The following SEMA4C variants were observed in gnomAD, a reference collection of about 807,000 sequenced individuals.
The protein encoded by SEMA4C is semaphorin 4C.
In SEMA4C, 19 loss-of-function variants were observed where a neutral mutation model predicts 89.0. That is an observed-to-expected ratio of 0.21 (90% CI 0.15 to 0.31). The LOEUF (loss-of-function observed/expected upper bound fraction) is 0.31. Ranked by LOEUF, SEMA4C falls within the 10% of genes least tolerant of loss-of-function variation. The pLI is 1.00. For synonymous variants in SEMA4C, 428 were observed against 472.7 expected (o/e 0.91, Z 1.23); for missense variants, 811 against 1,107.0 (o/e 0.73, Z 3.79).
chr2:96,861,078 G>A lies in SEMA4C; in HGVS notation c.2050C>T (p.Leu684=), dbSNP rs760433311. 1 of 1,612,562 alleles carries A rather than the reference G, an allele frequency of 6.2e-7. No individual in the cohort carries two copies. Among genetic ancestry groups the A allele is most frequent in the Non-Finnish European group, 8.5e-7 (1 of 1,179,976 alleles). The change falls in exon 15 of 15, where the codon CTG becomes TTG. Residue 684 remains leucine (L), a synonymous_variant. Transcript: ENST00000305476. The surrounding 1 kb of genome is among the most constrained non-coding windows in gnomAD (Gnocchi z 7.8). ...AVCLVLLLLV[L]SLRRRLREEL... ...TCCCGCAGCCGCCGGCGCAATGACA[G>A]CACCAGCAGCAGCAGCACCAGGCAC...
intron 2 of SEMA4C, 126 bp downstream of exon 2, chr2:96,867,652 C>T (rs936384620): frequency 4.0e-6 from 4 of 1,010,538 alleles, no homozygotes; most frequent in Non-Finnish European, 6.1e-6. Flanking sequence ...ACCCACACTG[C>T]CCGTTCTTCC....
At position 96,861,774 on chromosome 2, in the gene SEMA4C, T is replaced by C; in HGVS notation, c.1564A>G (p.Asn522Asp). 1 of 1,613,442 alleles carries C rather than the reference T, an allele frequency of 6.2e-7. No homozygotes were observed. ...CCCACGGCCACACAGCGGCTGGTGTTGACGCTCCAGGCGCAATAGGGGTCC... is the reference window on the plus strand; with the variant it reads ...CCCACGGCCACACAGCGGCTGGTGTCGACGCTCCAGGCGCAATAGGGGTCC... Reference protein sequence around the residue: ...ARDPYCAWSVNTSRCVAVGGH... With the variant: ...ARDPYCAWSVDTSRCVAVGGH... Residue 522 changes from asparagine (N) to aspartate (D), a missense_variant, in exon 13 of 15, where the codon AAC (asparagine) becomes GAC (aspartate). Asn to Asp is a conservative substitution (Grantham distance 23). Around this residue, in one of 4 missense-constraint regions of SEMA4C, gnomAD observed 441 missense variants for 664.9 expected, o/e 0.66. Transcript: ENST00000305476. The surrounding 1 kb of genome is among the most constrained non-coding windows in gnomAD (Gnocchi z 7.8).
rs7566053 is a variant in SEMA4C at position 96,863,659 on chromosome 2, G to A, written c.1443+23C>T. 8,404 of 1,588,846 alleles carry A rather than the reference G, an allele frequency of 5.3e-3. 87 individuals are homozygous for A. Among genetic ancestry groups the A allele is most frequent in the African/African-American group, 0.037 (2,730 of 74,560 alleles). On this transcript the variant is annotated intron_variant, in intron 12 of 14. Transcript: ENST00000305476. Reference sequence around the variant, plus strand: ...AGATGGGATAGTGCTGGGGACAGTGGCAGATAGGGCCCAACTTACTACCTT... The same window carrying A: ...AGATGGGATAGTGCTGGGGACAGTGACAGATAGGGCCCAACTTACTACCTT...
upstream of SEMA4C, chr2:96,870,198 G>T: frequency 6.1e-6 from 6 of 985,072 alleles, no homozygotes; most frequent in Non-Finnish European, 7.2e-6. Context: ...GCAGCGACCT[G>T]TGGACCCGCC....
Position 96,866,352 on chromosome 2 carries a change from C to G in SEMA4C, c.189G>C (p.Gly63=). The G allele has an allele frequency of 6.2e-7, 1 of 1,613,924 alleles. No individual in the cohort carries two copies. The highest frequency in any genetic ancestry group is 8.5e-7 in the Non-Finnish European group (1 of 1,180,008). Residue 63 remains glycine (G), a synonymous_variant, in exon 3 of 15, where the codon GGG becomes GGC. Coordinates refer to ENST00000305476, the MANE Select transcript of SEMA4C (RefSeq NM_017789.5). The part of the protein sequence containing the change: ...FLTLTLTEPT[G]LLYVGAREAL... Reference sequence around the variant, plus strand: ...CCTCTCGGGCGCCCACGTACAGAAGCCCAGTGGGCTCCGTCAGCGTCAGTG... The same window carrying G: ...CCTCTCGGGCGCCCACGTACAGAAGGCCAGTGGGCTCCGTCAGCGTCAGTG...
upstream of SEMA4C, chr2:96,870,125 G>C: frequency 1.0e-6 from 1 of 959,922 alleles, no homozygotes; most frequent in Non-Finnish European, 1.2e-6. Context: ...ACGTCAGGCT[G>C]GGGGGGTCGA....
In SEMA4C at chr2:96,864,490, T is replaced by C. The variant is rs1208562432; in HGVS notation, c.963-108A>G. The C allele has an allele frequency of 2.0e-6, 3 of 1,512,238 alleles. No individual in the cohort carries two copies. Among genetic ancestry groups the C allele is most frequent in the Non-Finnish European group, 2.7e-6 (3 of 1,115,948 alleles). The allele number at this position is 1,512,238 out of a possible 1,614,324, so 93.7% of individuals were successfully genotyped here. A position where few individuals can be genotyped will look rare whatever the true frequency, so the allele number is the denominator to read the frequency against. On this transcript the variant is annotated intron_variant, in intron 9 of 14. Transcript: ENST00000305476. This position sits in a 1 kb window ranked among gnomAD's most constrained non-coding sequence, Gnocchi z 6.3. ...GGGCCTGGCACAAACTGGCCATGGGTACCAGAATGCCCTGGCAGCTCAAGT... is the reference window on the plus strand; with the variant it reads ...GGGCCTGGCACAAACTGGCCATGGGCACCAGAATGCCCTGGCAGCTCAAGT...
rs149552418 is a variant in SEMA4C, at chr2:96,860,840, G to A, written c.2288C>T (p.Pro763Leu). 47 of 1,613,184 alleles carry A rather than the reference G, an allele frequency of 2.9e-5. No individual in the cohort carries two copies. The African/African-American group carries it at 6.0e-4, about 21-fold the overall frequency. ...QPGGGPPSPP[P>L]GIPGQPLPSP... Reference sequence around the variant, plus strand: ...AGGCAGAGGCTGGCCTGGGATGCCTGGAGGTGGCGAAGGGGGCCCCCCACC... The same window carrying A: ...AGGCAGAGGCTGGCCTGGGATGCCTAGAGGTGGCGAAGGGGGCCCCCCACC... The change falls in exon 15 of 15, where the codon CCA becomes CTA. Residue 763 changes from proline to leucine, a missense_variant. Physicochemically the swap from Pro to Leu is moderately conservative, Grantham distance 98 (BLOSUM62 -3). Transcript: ENST00000305476.
chr2:96,868,568 C>T (rs754293168), intron 1 of SEMA4C: 4 of 985,806 alleles, frequency 4.1e-6, no homozygotes, highest in Non-Finnish European at 4.8e-6. Context: ...CTTCCCGAGG[C>T]CCCTTTGTTG....
chr2:96,868,298 G>A lies in SEMA4C; in HGVS notation c.-37-375C>T, dbSNP rs2080127612. The A allele has an allele frequency of 5.9e-6, 3 of 511,962 alleles. No homozygotes were observed. In the East Asian group the frequency reaches 2.2e-4, roughly 37 times the overall value. The allele number at this position is 511,962 out of a possible 1,614,324, so 31.7% of individuals were successfully genotyped here. On this transcript the variant is annotated intron_variant, in intron 1 of 14. Coordinates refer to ENST00000305476, the MANE Select transcript of SEMA4C (RefSeq NM_017789.5). ...TTTCTTGAAAGAACCTCAGGCAGCA[G>A]GCCTTGCAGCCACTGGGGCTCCGGA...
At chr2:96,866,752 G>A in intron 2 of SEMA4C, 1 of 454,482 alleles carries the variant, frequency 2.2e-6, no homozygotes, top group South Asian at 1.9e-5. Flanking sequence ...CCGCAGGGCT[G>A]GGCACCCCCA....
At chr2:96,866,528 G>C (rs1200453052) in intron 2 of SEMA4C, 97 bp from the exon 3 acceptor site, 2 of 1,532,868 alleles carry the variant, frequency 1.3e-6, no homozygotes. Context: ...GCCACAAGCA[G>C]ATGCCAGCCA....
rs1402117595 is a variant in SEMA4C, at chr2:96,864,625, G to C, written c.962+80C>G. 9 of 1,503,982 alleles carry C rather than the reference G, an allele frequency of 6.0e-6. No homozygotes were observed. The highest frequency in any genetic ancestry group is 1.4e-5 in the African/African-American group (1 of 71,930). The allele number at this position is 1,503,982 out of a possible 1,614,324, so 93.2% of individuals were successfully genotyped here. ...GCTTCCGGGACTGCCTCTGAGGCCT[G>C]GTCCAGGCTCCCACCCATGCACCGT... On this transcript the variant is annotated intron_variant, in intron 9 of 14. Transcript: ENST00000305476. This position sits in a 1 kb window ranked among gnomAD's most constrained non-coding sequence, Gnocchi z 6.3.
chr2:96,870,244 T>C (rs1320083234), upstream of SEMA4C: 22 of 985,434 alleles, frequency 2.2e-5, no homozygotes, highest in Non-Finnish European at 2.7e-5. Flanking sequence ...TCCGCCTCTC[T>C]GGGTGCCCGG....
At chr2:96,868,998 C>T in intron 1 of SEMA4C, 1 of 985,384 alleles carries the variant, frequency 1.0e-6, no homozygotes, top group Non-Finnish European at 1.2e-6. Flanking sequence ...GACCCCGTCC[C>T]GGGTCCCCCC....
At chr2:96,867,643 C>G (rs1249731176) in intron 2 of SEMA4C, 135 bp downstream of exon 2, 1 of 946,460 alleles carries the variant, frequency 1.1e-6, no homozygotes, top group Non-Finnish European at 1.7e-6. Flanking sequence ...CAGGTCCCAA[C>G]CCACACTGCC....
rs1488749321 is a variant in SEMA4C, at chr2:96,864,292, T to C, written c.1053A>G (p.Glu351=). 4 of 1,613,900 alleles carry C rather than the reference T, an allele frequency of 2.5e-6. No homozygotes were observed. In the African/African-American group the frequency reaches 4.0e-5, roughly 16 times the overall value. ...CAGTGTAGCGGTCCCACTTCTGGGC[T>C]TCCTCATGGTACTCCTTATAGGGGC... ...FEGPYKEYHE[E]AQKWDRYTDP... Residue 351 remains glutamate, a synonymous_variant, in exon 10 of 15, where the codon GAA becomes GAG. Transcript: ENST00000305476. This position sits in a 1 kb window ranked among gnomAD's most constrained non-coding sequence, Gnocchi z 6.3.
At chr2:96,868,903 T>G in intron 1 of SEMA4C, 3 of 985,336 alleles carry the variant, frequency 3.0e-6, no homozygotes, top group Non-Finnish European at 3.6e-6. Context: ...CGGGATTGGC[T>G]TCCCCTGCTC....
intron 12 of SEMA4C, chr2:96,862,858 T>A (rs2079980622): frequency 1.1e-5 from 1 of 92,860 alleles, no homozygotes; most frequent in Non-Finnish European, 1.8e-5. Context: ...CGAGACTCCA[T>A]CTCAAAAAAA....
Sources: gnomAD v4.1 joint callset for allele counts on GRCh38, gnomAD v4.1.1 for gene constraint, gnomAD v4.1.1 regional missense constraint, Gnocchi (gnomAD v3.1) non-coding constraint, MANE v1.5 for transcripts, NCBI Gene and HGNC (gene_info 2026-07-23, HGNC 2026-07-21) for gene names.